DNAH14: variants seen among roughly 807,000 people sequenced by gnomAD.
The protein encoded by DNAH14 is dynein axonemal heavy chain 14, also known as axonemal beta dynein heavy chain 14.
In DNAH14, 478 loss-of-function variants were observed where a neutral mutation model predicts 520.9. The ratio of observed to expected loss-of-function variants is 0.92; its 90% confidence interval spans 0.85 to 0.99. DNAH14 has a LOEUF of 0.99. Ranked by LOEUF, DNAH14 falls within the 50% of genes least tolerant of loss-of-function variation. The probability of loss-of-function intolerance (pLI) is 0.00; values close to 1 mark genes in which losing one functional copy is unlikely to be tolerated. For missense variants in DNAH14, 4,831 were observed against 5,234.5 expected, an observed-to-expected ratio of 0.92 and a Z score of 2.38; for synonymous variants, 1,581 against 1,757.2, an observed-to-expected ratio of 0.90 and a Z score of 2.51.
chr1:225,230,829 G>C (rs2091034405), intron 41 of DNAH14, among the ~76,000 whole-genome samples: 2 of 152,066 alleles, frequency 1.3e-5, no homozygotes, highest in Admixed American at 6.5e-5. Context: ...ATAGAATAAA[G>C]AATGAATGTA....
intron 3 of DNAH14, among the ~76,000 whole-genome samples, chr1:224,958,031 A>C (rs2060619097): frequency 6.6e-6 from 1 of 152,084 alleles, no homozygotes; most frequent in Admixed American, 6.6e-5. Context: ...ATGAGAGGAA[A>C]ACCAGACACC....
chr1:224,936,004 A>T (rs891580128), intron 1 of DNAH14, among the ~76,000 whole-genome samples: 1 of 151,896 alleles, frequency 6.6e-6, no homozygotes, highest in Non-Finnish European at 1.5e-5. Flanking sequence ...AACAAAAAAA[A>T]TTTTTGAAAC....
intron 36 of DNAH14, among the ~76,000 whole-genome samples, chr1:225,180,145 A>G (rs2083803974): frequency 6.6e-6 from 1 of 152,160 alleles, no homozygotes; most frequent in African/African-American, 2.4e-5. Flanking sequence ...GGATATGTAT[A>G]TCATTCTCTA....
At chr1:225,312,657 G>T (rs913873238) in intron 60 of DNAH14, among the ~76,000 whole-genome samples, 1 of 152,032 alleles carries the variant, frequency 6.6e-6, no homozygotes, top group Non-Finnish European at 1.5e-5. Flanking sequence ...AACATGAAAG[G>T]GTGTTGAATT....
At chr1:225,218,320 T>A (rs577384634) in intron 41 of DNAH14, among the ~76,000 whole-genome samples, 1 of 152,218 alleles carries the variant, frequency 6.6e-6, no homozygotes, top group South Asian at 2.1e-4. Context: ...TAACCTTAAA[T>A]GTAAATGGGC....
chr1:225,306,037 T>C (rs1305244713), intron 58 of DNAH14, among the ~76,000 whole-genome samples: 3 of 152,204 alleles, frequency 2.0e-5, no homozygotes, highest in African/African-American at 4.8e-5. Flanking sequence ...CCATTGCACC[T>C]TCTCTGTCTC....
intron 7 of DNAH14, among the ~76,000 whole-genome samples, chr1:224,973,755 A>G (rs2061643409): frequency 6.6e-6 from 1 of 152,200 alleles, no homozygotes; most frequent in South Asian, 2.1e-4. Flanking sequence ...TCTTGATTTT[A>G]TTGAAATATG....
intron 8 of DNAH14, among the ~76,000 whole-genome samples, chr1:224,999,008 C>T (rs2063572272): frequency 1.3e-5 from 2 of 152,078 alleles, no homozygotes; most frequent in Admixed American, 6.5e-5. Flanking sequence ...TAGTGTCCCT[C>T]AGTATTTCTG....
intron 15 of DNAH14, among the ~76,000 whole-genome samples, chr1:225,049,047 ATTTTTTTTTTTTTT>A (rs71170051): frequency 5.3e-5 from 3 of 56,304 alleles, no homozygotes; most frequent in South Asian, 1.7e-3. Context: ...TCTCTTGCCT[ATTTTTTTTTTTTTT>A]TTTTTTTTTT....
intron 57 of DNAH14, 120 bp downstream of exon 57, chr1:225,303,467 A>G (rs1218371039): frequency 3.8e-6 from 3 of 795,434 alleles, no homozygotes; most frequent in African/African-American, 1.7e-5. Context: ...AATTTACAAT[A>G]AAATGGATCA....
At chr1:224,964,351 A>G in intron 4 of DNAH14, 128 bp from the exon 5 acceptor site, 2 of 1,069,562 alleles carry the variant, frequency 1.9e-6, no homozygotes, top group Non-Finnish European at 2.5e-6. Flanking sequence ...CTCCTCTAAT[A>G]ATCGTTATGT....
At chr1:224,985,204 G>A (rs542314677) in intron 8 of DNAH14, among the ~76,000 whole-genome samples, 2 of 152,216 alleles carry the variant, frequency 1.3e-5, no homozygotes, top group Admixed American at 6.5e-5. Context: ...TAGCAAAATC[G>A]TGGAACCAAC....
chr1:225,268,879 A>G (rs2149814901), intron 49 of DNAH14, among the ~76,000 whole-genome samples: 1 of 152,348 alleles, frequency 6.6e-6, no homozygotes, highest in African/African-American at 2.4e-5. Flanking sequence ...GGAAGAATCA[A>G]TATTGTGAAA....
intron 85 of DNAH14, 27 bp from the exon 86 acceptor site, chr1:225,399,027 A>C: frequency 1.4e-6 from 2 of 1,414,966 alleles, no homozygotes; most frequent in Non-Finnish European, 1.9e-6. Flanking sequence ...ATGCAATTTG[A>C]CTACTGGATT....
Position 225,240,707 on chromosome 1 carries a change from T to A in DNAH14, c.6633T>A (p.Asp2211Glu). The change falls in exon 43 of 86, where the codon GAT becomes GAA. Residue 2211 changes from aspartate (D) to glutamate (E), a missense_variant. Transcript: ENST00000682510. ...WAFGGALNRE[D>E]EHRENIPFCP... The stretch of plus-strand genomic sequence containing the variant: ...TTGGAGGAGCTTTAAACCGTGAAGA[T>A]GAACACAGAGAAAATATACCATTTT... 1 of 1,551,172 alleles carries A rather than the reference T, an allele frequency of 6.4e-7. No individual in the cohort carries two copies. Among genetic ancestry groups the A allele is most frequent in the African/African-American group, 1.4e-5 (1 of 73,160 alleles).
At chr1:224,964,329 G>T in intron 4 of DNAH14, 150 bp from the exon 5 acceptor site, 1 of 853,882 alleles carries the variant, frequency 1.2e-6, no homozygotes, top group Admixed American at 4.0e-5. Flanking sequence ...ACTGAGTTTT[G>T]AGCTATTTTT....
chr1:225,103,251 C>A (rs918551808), intron 23 of DNAH14, among the ~76,000 whole-genome samples: 12 of 152,276 alleles, frequency 7.9e-5, no homozygotes, highest in Admixed American at 2.6e-4. Context: ...TGATCTATAT[C>A]TCTGTTTTGG....
At chr1:225,138,709 G>A (rs74147128) in intron 27 of DNAH14, among the ~76,000 whole-genome samples, 4 of 152,142 alleles carry the variant, frequency 2.6e-5, no homozygotes, top group Non-Finnish European at 5.9e-5. Context: ...GGGTGGGGTT[G>A]CACAGTCACT....
Position 225,043,059 on chromosome 1 carries a change from C to T in DNAH14, c.1713C>T (p.Leu571=), listed in dbSNP as rs754718992. ...AAAAACACTCAAGTGAAGAATTGCTCCCAAAAGCCAAGAAATCAAAAGAAA... is the reference window on the plus strand; with the variant it reads ...AAAAACACTCAAGTGAAGAATTGCTTCCAAAAGCCAAGAAATCAAAAGAAA... The part of the protein sequence containing the change: ...CVKKHSSEEL[L]PKAKKSKEIS... Residue 571 remains leucine (L), a synonymous_variant, in exon 13 of 86, where the codon CTC becomes CTT. Coordinates refer to ENST00000682510, the MANE Select transcript of DNAH14 (RefSeq NM_001367479.1). The T allele has an allele frequency of 6.4e-7, 1 of 1,551,206 alleles. No homozygotes were observed. The highest frequency in any genetic ancestry group is 1.2e-5 in the South Asian group (1 of 83,988).
Sources: gnomAD v4.1 joint callset for allele counts (sites outside exome capture counted in the v4.1 genomes callset) on GRCh38, gnomAD v4.1.1 for gene constraint, MANE v1.5 for transcripts, NCBI Gene and HGNC (gene_info 2026-07-23, HGNC 2026-07-21) for gene names.